Variants in FAM120C observed in about 807,000 individuals in gnomAD.
FAM120C encodes family with sequence similarity 120 member C.
In FAM120C, 14 loss-of-function variants were observed where a neutral mutation model predicts 71.2. That is an observed-to-expected ratio of 0.20 (90% CI 0.13 to 0.31). The LOEUF is 0.31. Among genes scored for constraint, FAM120C ranks in the 10% least tolerant of loss-of-function variants. FAM120C has a pLI of 1.00. For missense variants in FAM120C, 500 were observed against 879.0 expected (o/e 0.57, Z 5.45); for synonymous variants, 354 against 353.2 (o/e 1.00, Z -0.03).
chrX:54,132,204 C>T lies in FAM120C; in HGVS notation c.2062+488G>A, dbSNP rs896817128. On this transcript the variant is annotated intron_variant, in intron 9 of 15. Coordinates refer to ENST00000375180, the MANE Select transcript of FAM120C (RefSeq NM_017848.6). ...CCAAGTAGCTGGGACTACACGTGTA[C>T]ACAACCACGCCTAATTTTTTCAATT... Among the ~76,000 whole-genome samples, 7 of 110,735 alleles carry T rather than the reference C, an allele frequency of 6.3e-5. No homozygotes were observed. In the Admixed American group the frequency reaches 6.8e-4, roughly 11 times the overall value.
chrX:54,116,513 A>G (rs2066968771), intron 10 of FAM120C, 32 bp downstream of exon 10: 1 of 1,176,455 alleles, frequency 8.5e-7, no homozygotes, highest in Admixed American at 2.4e-5. Flanking sequence ...TAAAAGAGAA[A>G]GAACAGGCCA....
intron 15 of FAM120C, 36 bp downstream of exon 15, chrX:54,080,196 A>C: frequency 8.7e-7 from 1 of 1,149,297 alleles, no homozygotes; most frequent in Non-Finnish European, 1.2e-6. Flanking sequence ...AAAAGGCATC[A>C]AACAGAAGCT....
intron 9 of FAM120C, among the ~76,000 whole-genome samples, chrX:54,124,998 A>G (rs1372824561): frequency 1.2e-4 from 13 of 111,437 alleles, no homozygotes; most frequent in Non-Finnish European, 1.5e-4. Context: ...TAAAAGAAAC[A>G]AAAAACAACA....
chrX:54,071,073 T>G lies in FAM120C; in HGVS notation c.*1960A>C, dbSNP rs1330926855. 8.9e-6 allele frequency: 1 copy of G among 112,133 alleles called. No individual in the cohort carries two copies. Among genetic ancestry groups the G allele is most frequent in the East Asian group, 2.8e-4 (1 of 3,580 alleles). The allele number at this position is 112,133 out of a possible 1,213,427, so 9.2% of individuals were successfully genotyped here. A position where few individuals can be genotyped will look rare whatever the true frequency, so the allele number is the denominator to read the frequency against. ...CTGCTAGAAGATTAGTCAGTTGTAT[T>G]TCTGTAGAAATGGTACTTCTTGGGC... On this transcript the variant is annotated 3_prime_UTR_variant, in exon 16 of 16. Transcript: ENST00000375180.
intron 15 of FAM120C, among the ~76,000 whole-genome samples, chrX:54,077,068 G>C (rs2066739460): frequency 9.0e-6 from 1 of 110,979 alleles, no homozygotes; most frequent in African/African-American, 3.3e-5. Flanking sequence ...CTCCAGCCTA[G>C]GTGACTCATT....
intron 1 of FAM120C, among the ~76,000 whole-genome samples, chrX:54,163,560 G>T (rs782369140): frequency 1.1e-4 from 12 of 111,405 alleles, no homozygotes; most frequent in Non-Finnish European, 2.3e-4. Context: ...ACCCTTTGAG[G>T]TTATAAAAAT....
chrX:54,165,582 GC>G (rs1424718622), intron 1 of FAM120C, among the ~76,000 whole-genome samples: 1 of 110,120 alleles, frequency 9.1e-6, no homozygotes, highest in Non-Finnish European at 1.9e-5. Context: ...TTCAAGACCA[GC>G]CTGGCCAACA....
At chrX:54,075,057 T>C (rs899941073) in intron 15 of FAM120C, among the ~76,000 whole-genome samples, 3 of 110,091 alleles carry the variant, frequency 2.7e-5, no homozygotes, top group East Asian at 2.8e-4. Flanking sequence ...ACCTGGGAGG[T>C]TGAGGTGGGA....
chrX:54,170,593 T>C (rs1557135808), intron 1 of FAM120C, among the ~76,000 whole-genome samples: 3 of 112,146 alleles, frequency 2.7e-5, no homozygotes, highest in Non-Finnish European at 1.9e-5. Context: ...GATACTAACT[T>C]TTGTTATCAG....
chrX:54,160,307 C>T (rs782307313), intron 1 of FAM120C, among the ~76,000 whole-genome samples: 4 of 111,126 alleles, frequency 3.6e-5, no homozygotes, highest in African/African-American at 6.5e-5. Flanking sequence ...CACTGTACAT[C>T]GCAGGGCACC....
chrX:54,157,068 A>G (rs1189184727), intron 3 of FAM120C, among the ~76,000 whole-genome samples: 3 of 109,389 alleles, frequency 2.7e-5, no homozygotes, highest in Non-Finnish European at 3.8e-5. Flanking sequence ...GAAAAATCAC[A>G]CTGATCATTT....
intron 4 of FAM120C, among the ~76,000 whole-genome samples, chrX:54,150,417 G>A (rs1306329747): frequency 1.4e-4 from 16 of 112,254 alleles, no homozygotes; most frequent in African/African-American, 5.2e-4. Flanking sequence ...TTACACTATT[G>A]GAAAGCAGAA....
At chrX:54,129,690 G>C (rs1190583962) in intron 9 of FAM120C, among the ~76,000 whole-genome samples, 1 of 112,194 alleles carries the variant, frequency 8.9e-6, no homozygotes, top group African/African-American at 3.2e-5. Context: ...GGAGGTTGTA[G>C]CGAGCCAAGA....
At chrX:54,110,990 G>A (rs2066934327) in intron 10 of FAM120C, among the ~76,000 whole-genome samples, 1 of 109,386 alleles carries the variant, frequency 9.1e-6, no homozygotes, top group Non-Finnish European at 1.9e-5. Context: ...AACCCAGGAG[G>A]CAGAGGTTGC....
At chrX:54,166,533 G>A (rs781812420) in intron 1 of FAM120C, among the ~76,000 whole-genome samples, 22 of 111,624 alleles carry the variant, frequency 2.0e-4, no homozygotes, top group Non-Finnish European at 3.6e-4. Flanking sequence ...AATAAGGGAC[G>A]AGTTAAGTAA....
chrX:54,168,498 G>A (rs1417282563), intron 1 of FAM120C, among the ~76,000 whole-genome samples: 2 of 111,987 alleles, frequency 1.8e-5, no homozygotes, highest in Admixed American at 9.5e-5. Flanking sequence ...TATATACTGC[G>A]GCTCTTTCAG....
At chrX:54,091,280 G>T in intron 11 of FAM120C, 32 bp downstream of exon 11, 3 of 1,037,741 alleles carry the variant, frequency 2.9e-6, no homozygotes, top group Non-Finnish European at 4.0e-6. Context: ...GCTCATAAAA[G>T]AAAGAACTTA....
chrX:54,153,030 T>C (rs2067191456), intron 3 of FAM120C, among the ~76,000 whole-genome samples: 1 of 111,944 alleles, frequency 8.9e-6, no homozygotes, highest in African/African-American at 3.2e-5. Context: ...ACCCCGTCTC[T>C]ACTAAAAATA....
chrX:54,107,225 T>C lies in FAM120C; in HGVS notation c.2312+9320A>G, dbSNP rs1011474432. On this transcript the variant is annotated intron_variant, in intron 10 of 15. Transcript: ENST00000375180. ...AATTCTCATGCCTCAGCCTCCCAAA[T>C]AGCTGGGACTAGAGGCGTGTACCAC... 6.4e-5 allele frequency among the ~76,000 whole-genome samples: 7 copies of C among 109,003 alleles called. No homozygotes were observed. The East Asian group carries it at 2.0e-3, about 32-fold the overall frequency. The allele number at this position is 109,003 out of a possible 115,157, so 94.7% of individuals were successfully genotyped here.
Sources: gnomAD v4.1 joint callset for allele counts (sites outside exome capture counted in the v4.1 genomes callset) on GRCh38, gnomAD v4.1.1 for gene constraint, MANE v1.5 for transcripts, NCBI Gene and HGNC (gene_info 2026-07-23, HGNC 2026-07-21) for gene names.